Variants in NPRL3 observed in about 807,000 individuals in gnomAD.
NPRL3 encodes NPR3 like, GATOR1 complex subunit.
A neutral mutation model predicts 57.2 loss-of-function variants in NPRL3; 23 were observed. That is an observed-to-expected ratio of 0.40 (90% confidence interval 0.29 to 0.57). The LOEUF (loss-of-function observed/expected upper bound fraction) is 0.57, where lower values mean the gene tolerates loss of function less well. Ranked by LOEUF, NPRL3 falls within the 20% of genes least tolerant of loss-of-function variation. The probability of loss-of-function intolerance (pLI) is 0.42; values close to 1 mark genes in which losing one functional copy is unlikely to be tolerated. For missense variants in NPRL3, 691 were observed against 767.1 expected, an observed-to-expected ratio of 0.90 and a Z score of 1.17; for synonymous variants, 333 against 321.1, an observed-to-expected ratio of 1.04 and a Z score of -0.39.
chr16:97,393 C>T (rs1899060446), intron 9 of NPRL3, among the ~76,000 whole-genome samples: 1 of 151,014 alleles, frequency 6.6e-6, no homozygotes, highest in Non-Finnish European at 1.5e-5. Context: ...TACAGGTGCA[C>T]GCCACCACAC....
intron 2 of NPRL3, among the ~76,000 whole-genome samples, chr16:131,736 T>C (rs180939747): frequency 3.3e-5 from 5 of 152,142 alleles, no homozygotes; most frequent in Admixed American, 1.3e-4. Context: ...TGGGGTGCTG[T>C]AGCAATTTCT....
chr16:116,003 C>A (rs555635020), intron 5 of NPRL3, among the ~76,000 whole-genome samples: 1 of 152,210 alleles, frequency 6.6e-6, no homozygotes, highest in East Asian at 1.9e-4. Flanking sequence ...GAAATCTTTA[C>A]GCAGTTGTAA....
chr16:98,236 C>T lies in NPRL3; in HGVS notation c.833G>A (p.Cys278Tyr), dbSNP rs1228174298. The T allele has an allele frequency of 6.2e-7, 1 of 1,613,982 alleles. No individual in the cohort carries two copies. The highest frequency in any genetic ancestry group is 8.5e-7 in the Non-Finnish European group (1 of 1,179,874). ...GATCACCCGCACTAGGGCAGGGGAG[C>T]AGTCAATAGGAAGCTCACCCAGCAA... ...KSLLGELPID[C>Y]SPALVRVIKT... The change falls in exon 9 of 14, where the codon TGC (cysteine) becomes TAC (tyrosine). Residue 278 changes from cysteine (C) to tyrosine (Y), a missense_variant. Physicochemically the swap from Cys to Tyr is radical, Grantham distance 194. Transcript: ENST00000611875.
intron 11 of NPRL3, chr16:90,526 T>TA (rs1293939493): frequency 2.0e-5 from 3 of 152,234 alleles, no homozygotes; most frequent in Non-Finnish European, 4.4e-5. Flanking sequence ...CCCTCCAATG[T>TA]CTCTGGGTTA....
chr16:102,827 T>G (rs981054618), intron 7 of NPRL3, among the ~76,000 whole-genome samples: 4 of 152,148 alleles, frequency 2.6e-5, no homozygotes, highest in Non-Finnish European at 5.9e-5. Flanking sequence ...AGTCTCAGCT[T>G]CTTCCAGAAC....
chr16:112,523 A>C, intron 6 of NPRL3, 99 bp downstream of exon 6: 1 of 1,214,466 alleles, frequency 8.2e-7, no homozygotes, highest in Non-Finnish European at 1.1e-6. Context: ...CAACATCTGT[A>C]TCATTAACAC....
intron 9 of NPRL3, among the ~76,000 whole-genome samples, chr16:96,243 C>T (rs926627724): frequency 1.4e-4 from 22 of 152,062 alleles, no homozygotes; most frequent in Admixed American, 1.4e-3. Context: ...GAGACTCTGA[C>T]AGCAAGGATG....
rs564810690 is a variant in NPRL3, at chr16:115,548, C to T, written c.393+1753G>A. 5.3e-5 allele frequency among the ~76,000 whole-genome samples: 8 copies of T among 149,738 alleles called. No homozygotes were observed. In the East Asian group the frequency reaches 1.2e-3, roughly 22 times the overall value. The stretch of plus-strand genomic sequence containing the variant: ...TTGCCCAGATTGGAGTGCAATGGTG[C>T]GATCTCTGCTCACTGCAACCTCCGC... On this transcript the variant is annotated intron_variant, in intron 5 of 13. Transcript: ENST00000611875.
chr16:133,009 A>G (rs1172262257), intron 2 of NPRL3, among the ~76,000 whole-genome samples: 3 of 152,036 alleles, frequency 2.0e-5, no homozygotes, highest in African/African-American at 7.2e-5. Context: ...TTCTTTCCTT[A>G]AATCTCATGA....
chr16:94,457 CAG>C (rs1056695606), intron 9 of NPRL3, among the ~76,000 whole-genome samples: 3 of 152,214 alleles, frequency 2.0e-5, no homozygotes, highest in African/African-American at 4.8e-5. Context: ...GCTCAGAAAA[CAG>C]GGCCTCCAGA....
intron 8 of NPRL3, among the ~76,000 whole-genome samples, 183 bp from the exon 9 acceptor site, chr16:98,484 CTGCACCAGGTA>C (rs943524875): frequency 6.6e-6 from 1 of 152,098 alleles, no homozygotes; most frequent in Non-Finnish European, 1.5e-5. Context: ...GCAGGGAACC[CTGCACCAGGTA>C]TGCACCAGGT....
rs987751011 is a variant in NPRL3 at position 136,720 on chromosome 16, C to T, written c.118+1430G>A. Among the ~76,000 whole-genome samples, 6 of 149,878 alleles carry T rather than the reference C, an allele frequency of 4.0e-5. No homozygotes were observed. In the East Asian group the frequency reaches 5.9e-4, roughly 15 times the overall value. On this transcript the variant is annotated intron_variant, in intron 2 of 13. Transcript: ENST00000611875. ...AAAAAAAAGAAAAAAGAAATACATA[C>T]GCCTGTATTGACACAGAAGGTCCTG... is the stretch of plus-strand genomic sequence containing the variant.
intron 8 of NPRL3, among the ~76,000 whole-genome samples, chr16:99,345 G>A (rs1218920427): frequency 6.6e-6 from 1 of 151,936 alleles, no homozygotes; most frequent in Non-Finnish European, 1.5e-5. Flanking sequence ...TTCTTTCCTT[G>A]CAGAAAATCA....
At chr16:89,408 T>G in intron 12 of NPRL3, 1 of 362,388 alleles carries the variant, frequency 2.8e-6, no homozygotes, top group African/African-American at 2.1e-5. Context: ...GTCCTGGTAG[T>G]GGTATGAGAT....
chr16:108,579 T>C (rs1899634104), intron 7 of NPRL3, among the ~76,000 whole-genome samples: 1 of 152,124 alleles, frequency 6.6e-6, no homozygotes, highest in East Asian at 1.9e-4. Flanking sequence ...AACTCAATGG[T>C]GGGGGCAGTT....
rs1900365532 is a variant in NPRL3 at position 123,453 on chromosome 16, AG to A, written c.189-4199del. ...TCAGGAATTAAGCACAATTACAAGA[AG>A]AGAAGGCAGCCGGAATCAAGACAGA... On this transcript the variant is annotated intron_variant, in intron 3 of 13. Coordinates refer to ENST00000611875, the MANE Select transcript of NPRL3 (RefSeq NM_001077350.3). The A allele has an allele frequency of 6.4e-6, 3 of 470,008 alleles. No individual in the cohort carries two copies. The Admixed American group carries it at 7.1e-5, about 11-fold the overall frequency. 29.1% of individuals were successfully genotyped at this position (470,008 alleles called of 1,614,324 possible). A position where few individuals can be genotyped will look rare whatever the true frequency, so the allele number is the denominator to read the frequency against.
chr16:106,446 A>T (rs1433081193), intron 7 of NPRL3, among the ~76,000 whole-genome samples: 1 of 152,086 alleles, frequency 6.6e-6, no homozygotes, highest in Non-Finnish European at 1.5e-5. Flanking sequence ...CAGCCAGGGT[A>T]ACATGGCAAA....
chr16:98,919 A>G (rs1899147863), intron 8 of NPRL3, among the ~76,000 whole-genome samples: 1 of 152,322 alleles, frequency 6.6e-6, no homozygotes, highest in South Asian at 2.1e-4. Context: ...GCCTGGCGAC[A>G]GAGTGAGACT....
chr16:120,167 G>C (rs1329775577), intron 3 of NPRL3, among the ~76,000 whole-genome samples: 5 of 152,190 alleles, frequency 3.3e-5, no homozygotes, highest in African/African-American at 9.7e-5. Flanking sequence ...GGACCCAGAA[G>C]AGAGAGAAGT....
Sources: allele counts gnomAD v4.1 joint callset (sites outside exome capture counted in the v4.1 genomes callset), GRCh38; gene constraint gnomAD v4.1.1; transcripts MANE v1.5; gene names NCBI Gene and HGNC (gene_info 2026-07-23, HGNC 2026-07-21).